TBC1D5: variants seen among roughly 807,000 people sequenced by gnomAD.
TBC1D5 encodes TBC1 domain family member 5.
Under a neutral mutation model 100.3 loss-of-function variants are expected in TBC1D5, and 75 were observed. The observed-to-expected ratio is 0.75, with a 90% confidence interval of 0.62 to 0.91. TBC1D5 has a LOEUF of 0.91. Among genes scored for constraint, TBC1D5 ranks in the 40% least tolerant of loss-of-function variants. TBC1D5 has a pLI of 0.00. For missense variants in TBC1D5, 910 were observed against 942.4 expected, an observed-to-expected ratio of 0.97 and a Z score of 0.45; for synonymous variants, 323 against 325.6, an observed-to-expected ratio of 0.99 and a Z score of 0.09.
At chr3:17,476,790 C>T (rs1452975173) in intron 3 of TBC1D5, among the ~76,000 whole-genome samples, 3 of 151,836 alleles carry the variant, frequency 2.0e-5, no homozygotes, top group African/African-American at 4.8e-5. Context: ...AGTTTCATAA[C>T]GTTCTCCACA....
chr3:17,261,199 T>C (rs780120085), intron 15 of TBC1D5, among the ~76,000 whole-genome samples: 7 of 152,250 alleles, frequency 4.6e-5, no homozygotes, highest in African/African-American at 7.2e-5. Context: ...TAATTTTATC[T>C]CTATTAAATA....
At position 17,428,520 on chromosome 3, in the gene TBC1D5, C is replaced by T. The variant is rs766750005; in HGVS notation, c.98-1G>A. On this transcript the variant is annotated splice_acceptor_variant, in intron 3 of 21. Coordinates refer to ENST00000253692, the Ensembl canonical transcript of TBC1D5. LOFTEE classifies it high-confidence loss of function. ...CTTCTTCCATTTTTATTTGAATCTC[C>T]TGGAGAAAAAAATTACGACACTGAA... 1 of 1,481,678 alleles carries T rather than the reference C, an allele frequency of 6.7e-7. No individual in the cohort carries two copies. The highest frequency in any genetic ancestry group is 9.0e-7 in the Non-Finnish European group (1 of 1,113,392). 91.8% of individuals were successfully genotyped at this position (1,481,678 alleles called of 1,614,324 possible).
chr3:17,283,479 G>A (rs1575119772), intron 15 of TBC1D5, among the ~76,000 whole-genome samples: 1 of 152,162 alleles, frequency 6.6e-6, no homozygotes, highest in East Asian at 1.9e-4. Context: ...GTGGTATACA[G>A]AAGGCAGCTA....
chr3:17,304,526 G>T (rs914152569), intron 14 of TBC1D5, among the ~76,000 whole-genome samples: 1 of 152,036 alleles, frequency 6.6e-6, no homozygotes, highest in African/African-American at 2.4e-5. Flanking sequence ...TCCCACCTCA[G>T]CCTCGTGAGT....
At chr3:17,275,191 C>G (rs1045328661) in intron 15 of TBC1D5, among the ~76,000 whole-genome samples, 8 of 152,176 alleles carry the variant, frequency 5.3e-5, no homozygotes, top group African/African-American at 1.9e-4. Flanking sequence ...GTGAATCAGT[C>G]AAATTCCAAA....
At chr3:17,254,605 T>C (rs955233537) in intron 16 of TBC1D5, among the ~76,000 whole-genome samples, 3 of 152,150 alleles carry the variant, frequency 2.0e-5, no homozygotes, top group Non-Finnish European at 4.4e-5. Context: ...ATTAAAAATA[T>C]TACTCCCAAG....
At chr3:17,304,965 A>G (rs1267407956) in intron 14 of TBC1D5, among the ~76,000 whole-genome samples, 2 of 152,116 alleles carry the variant, frequency 1.3e-5, no homozygotes, top group African/African-American at 4.8e-5. Context: ...TTGAAAAAGT[A>G]ATGCATATAT....
intron 1 of TBC1D5, among the ~76,000 whole-genome samples, chr3:17,647,428 G>C (rs1174845126): frequency 6.6e-6 from 1 of 152,148 alleles, no homozygotes; most frequent in Non-Finnish European, 1.5e-5. Flanking sequence ...AGTTGGCGTA[G>C]GGAAAGGAGC....
intron 1 of TBC1D5, among the ~76,000 whole-genome samples, chr3:17,717,785 A>G (rs1041264558): frequency 6.6e-6 from 1 of 152,242 alleles, no homozygotes; most frequent in Admixed American, 6.5e-5. Flanking sequence ...TCTAAGGAAT[A>G]TATTTTATAT....
At chr3:17,592,018 A>G (rs1351937409) in intron 2 of TBC1D5, among the ~76,000 whole-genome samples, 2 of 152,212 alleles carry the variant, frequency 1.3e-5, no homozygotes, top group African/African-American at 2.4e-5. Flanking sequence ...CTGCTGTACC[A>G]GATGTGGTTT....
chr3:17,616,680 A>G (rs1657661379), intron 2 of TBC1D5, among the ~76,000 whole-genome samples: 1 of 152,098 alleles, frequency 6.6e-6, no homozygotes, highest in South Asian at 2.1e-4. Context: ...ATTGGCTTAT[A>G]GTCTGTTTTA....
In TBC1D5 at chr3:17,501,508, G is replaced by A. The variant is rs2095788109; in HGVS notation, c.97+6966C>T. ...ACCCTCACCATCCCTGTTACTCTTA[G>A]ACATCAAGCAAAATTTTGGCCCTAC... On this transcript the variant is annotated intron_variant, in intron 3 of 21. Coordinates refer to ENST00000253692, the Ensembl canonical transcript of TBC1D5. Among the ~76,000 whole-genome samples the A allele has an allele frequency of 2.0e-5, 3 of 148,844 alleles. 1 individual carries two copies. Among genetic ancestry groups the A allele is most frequent in the Admixed American group, 2.0e-4 (3 of 15,100 alleles).
intron 13 of TBC1D5, among the ~76,000 whole-genome samples, chr3:17,360,401 G>C (rs565731996): frequency 1.6e-4 from 24 of 152,044 alleles, no homozygotes; most frequent in African/African-American, 4.6e-4. Context: ...TTAAGACCGG[G>C]ATTGGCAAAG....
chr3:17,435,119 G>A (rs1030369746), intron 3 of TBC1D5, among the ~76,000 whole-genome samples: 1 of 152,100 alleles, frequency 6.6e-6, no homozygotes, highest in African/African-American at 2.4e-5. Context: ...CAAATCTCAA[G>A]TTCCAAACTT....
At chr3:17,614,830 C>T (rs1325723278) in intron 2 of TBC1D5, among the ~76,000 whole-genome samples, 22 of 152,190 alleles carry the variant, frequency 1.4e-4, no homozygotes, top group Admixed American at 1.4e-3. Flanking sequence ...CATCTGCAAA[C>T]TGGGACAATT....
chr3:17,557,112 C>T (rs947995790), intron 2 of TBC1D5, among the ~76,000 whole-genome samples: 32 of 152,074 alleles, frequency 2.1e-4, no homozygotes, highest in Non-Finnish European at 4.4e-4. Context: ...AATGTTTAAC[C>T]GATTGGTCAA....
intron 17 of TBC1D5, among the ~76,000 whole-genome samples, chr3:17,216,078 C>T (rs2073598756): frequency 6.6e-6 from 1 of 152,072 alleles, no homozygotes; most frequent in Admixed American, 6.6e-5. Context: ...AGAGCTATTA[C>T]CTCTCCCTTG....
At chr3:17,174,404 C>T (rs1305518013) in intron 19 of TBC1D5, among the ~76,000 whole-genome samples, 2 of 152,210 alleles carry the variant, frequency 1.3e-5, no homozygotes, top group East Asian at 1.9e-4. Flanking sequence ...ATCACTAGTA[C>T]TCTGGGGGAG....
At chr3:17,301,723 A>G (rs1417745567) in intron 14 of TBC1D5, among the ~76,000 whole-genome samples, 1 of 152,210 alleles carries the variant, frequency 6.6e-6, no homozygotes, top group Non-Finnish European at 1.5e-5. Context: ...AATGAGAGCT[A>G]GAATAATAGG....
Sources: gnomAD v4.1 joint callset for allele counts (sites outside exome capture counted in the v4.1 genomes callset) on GRCh38, gnomAD v4.1.1 for gene constraint, MANE v1.5 for transcripts, NCBI Gene and HGNC (gene_info 2026-07-23, HGNC 2026-07-21) for gene names.